The following PNPT1 variants were observed in gnomAD, a reference collection of about 807,000 sequenced individuals.
PNPT1 encodes polyribonucleotide nucleotidyltransferase 1, mitochondrial.
In PNPT1, 53 loss-of-function variants were observed where a neutral mutation model predicts 119.5. The ratio of observed to expected loss-of-function variants is 0.44; its 90% confidence interval spans 0.36 to 0.56. The LOEUF (loss-of-function observed/expected upper bound fraction) is 0.56, where lower values mean the gene tolerates loss of function less well. PNPT1 is among the 20% of genes least tolerant of loss of function. The pLI, the probability that PNPT1 is intolerant of heterozygous loss-of-function variation, is 0.00. For synonymous variants in PNPT1, 357 were observed against 322.1 expected (o/e 1.11, Z -1.16); for missense variants, 948 against 938.5 (o/e 1.01, Z -0.13).
chr2:55,671,506 T>A, intron 10 of PNPT1, 130 bp from the exon 11 acceptor site: 1 of 535,276 alleles, frequency 1.9e-6, no homozygotes, highest in Non-Finnish European at 3.2e-6. Flanking sequence ...AATATTGGAA[T>A]TGGTTCTTGA....
At chr2:55,639,877 C>T (rs887739942) in intron 26 of PNPT1, among the ~76,000 whole-genome samples, 2 of 152,116 alleles carry the variant, frequency 1.3e-5, no homozygotes, top group Non-Finnish European at 2.9e-5. Flanking sequence ...TCTTTTCCTA[C>T]CACCTTTTTT....
At chr2:55,690,644 G>C (rs996084904) in intron 1 of PNPT1, among the ~76,000 whole-genome samples, 2 of 152,148 alleles carry the variant, frequency 1.3e-5, no homozygotes, top group Non-Finnish European at 2.9e-5. Context: ...TTTAATATAT[G>C]TTAATAAATA....
At chr2:55,644,537 CA>C (rs776500149) in intron 23 of PNPT1, 99 bp downstream of exon 23, 5 of 793,614 alleles carry the variant, frequency 6.3e-6, no homozygotes, top group East Asian at 2.8e-5. Context: ...TCTCATTTCT[CA>C]AATAAATATA....
In PNPT1 at chr2:55,668,170, T is replaced by C. The variant is rs12993839; in HGVS notation, c.977-212A>G. ...ACCAAGTACTACAACTGTGTTGTTA[T>C]TGTGAACTTAGTTTGTTTTCTACCT... On this transcript the variant is annotated intron_variant, in intron 11 of 27. Transcript: ENST00000447944. Among the ~76,000 whole-genome samples the C allele has an allele frequency of 0.12, 17,987 of 152,300 alleles. 1,349 individuals carry two copies. The highest frequency in any genetic ancestry group is 0.25 in the East Asian group (1,298 of 5,174).
At chr2:55,688,065 A>C (rs1398457604) in intron 1 of PNPT1, among the ~76,000 whole-genome samples, 2 of 146,448 alleles carry the variant, frequency 1.4e-5, no homozygotes, top group Admixed American at 6.9e-5. Flanking sequence ...TTTTTTTGAG[A>C]CAGGGTCTTG....
At chr2:55,686,264 T>C in intron 3 of PNPT1, 106 bp downstream of exon 3, 1 of 964,234 alleles carries the variant, frequency 1.0e-6, no homozygotes, top group South Asian at 1.8e-5. Context: ...AATTCTTTGT[T>C]GTGCAAGTTT....
chr2:55,674,308 T>C (rs1310544190), intron 8 of PNPT1, among the ~76,000 whole-genome samples: 1 of 152,098 alleles, frequency 6.6e-6, no homozygotes, highest in Non-Finnish European at 1.5e-5. Context: ...AGAATAAATA[T>C]AGAGGCTGAG....
At chr2:55,668,063 GGGAGAT>G (rs1696794006) in intron 11 of PNPT1, 105 bp from the exon 12 acceptor site, 1 of 980,622 alleles carries the variant, frequency 1.0e-6, no homozygotes, top group Admixed American at 3.2e-5. Context: ...AATCAACCAA[GGGAGAT>G]GACTCTGAAC....
At chr2:55,645,859 CCTCT>C (rs1695985018) in intron 21 of PNPT1, among the ~76,000 whole-genome samples, 2 of 151,774 alleles carry the variant, frequency 1.3e-5, no homozygotes, top group Non-Finnish European at 2.9e-5. Context: ...AGACATTTTC[CCTCT>C]GTCACCCAGG....
At chr2:55,657,754 G>C (rs922929716) in intron 15 of PNPT1, among the ~76,000 whole-genome samples, 1 of 151,168 alleles carries the variant, frequency 6.6e-6, no homozygotes, top group South Asian at 2.1e-4. Flanking sequence ...AATAGAGAGG[G>C]GGGAGGAACA....
rs112074939 is a variant in PNPT1, at chr2:55,645,988, C to T, written c.1738+271G>A. Reference sequence around the variant, plus strand: ...GATTACAGGTATGCACCACCATGCCCGGCTAATTTTTGTACTTTTAGTAGA... The same window carrying T: ...GATTACAGGTATGCACCACCATGCCTGGCTAATTTTTGTACTTTTAGTAGA... On this transcript the variant is annotated intron_variant, in intron 21 of 27. Transcript: ENST00000447944. Among the ~76,000 whole-genome samples, 6,541 of 151,818 alleles carry T rather than the reference C, an allele frequency of 0.043. 180 individuals carry two copies. The highest frequency in any genetic ancestry group is 0.081 in the South Asian group (389 of 4,798).
At chr2:55,686,880 A>G (rs371876267) in intron 2 of PNPT1, among the ~76,000 whole-genome samples, 2 of 152,266 alleles carry the variant, frequency 1.3e-5, no homozygotes, top group East Asian at 3.9e-4. Context: ...TTGTAATTGC[A>G]GCACTTTGCG....
chr2:55,684,685 T>C (rs1309579015), intron 4 of PNPT1, among the ~76,000 whole-genome samples: 2 of 152,278 alleles, frequency 1.3e-5, no homozygotes, highest in Non-Finnish European at 2.9e-5. Flanking sequence ...TTTACTCATT[T>C]AGTCAACAAA....
intron 26 of PNPT1, among the ~76,000 whole-genome samples, chr2:55,638,915 C>T (rs939302690): frequency 3.3e-5 from 5 of 151,950 alleles, no homozygotes; most frequent in African/African-American, 1.2e-4. Flanking sequence ...GCTGGGATTA[C>T]AGGTGCACGC....
At chr2:55,644,565 C>T in intron 23 of PNPT1, 72 bp downstream of exon 23, 1 of 1,085,020 alleles carries the variant, frequency 9.2e-7, no homozygotes, top group East Asian at 2.4e-5. Context: ...AAGCAACATA[C>T]TAGAGATGAA....
At chr2:55,681,010 G>C in intron 5 of PNPT1, 92 bp from the exon 6 acceptor site, 1 of 999,366 alleles carries the variant, frequency 1.0e-6, no homozygotes, top group South Asian at 1.4e-5. Flanking sequence ...GCTAAAAGCA[G>C]GGGCTTTGTA....
rs1316918863 is a variant in PNPT1, at chr2:55,646,402, G to A, written c.1674+13C>T. 1.9e-6 allele frequency: 3 copies of A among 1,610,158 alleles called. No individual in the cohort carries two copies. Among genetic ancestry groups the A allele is most frequent in the Non-Finnish European group, 1.7e-6 (2 of 1,178,014 alleles). The stretch of plus-strand genomic sequence containing the variant: ...ATGTTACAAAAATGAAACAAAATGG[G>A]TTTTAAAAATACCTGTAATGCAGTT... On this transcript the variant is annotated intron_variant, in intron 20 of 27. Transcript: ENST00000447944.
At chr2:55,653,553 T>C (rs969886572) in intron 18 of PNPT1, among the ~76,000 whole-genome samples, 1 of 152,258 alleles carries the variant, frequency 6.6e-6, no homozygotes, top group Non-Finnish European at 1.5e-5. Flanking sequence ...GTTTTGTTCA[T>C]CACCATGTCC....
intron 26 of PNPT1, among the ~76,000 whole-genome samples, chr2:55,639,174 A>G (rs1695764880): frequency 6.6e-6 from 1 of 152,250 alleles, no homozygotes; most frequent in East Asian, 1.9e-4. Flanking sequence ...AATTGCTTTA[A>G]ATTCCAGTGT....
Sources: allele counts gnomAD v4.1 joint callset (sites outside exome capture counted in the v4.1 genomes callset), GRCh38; gene constraint gnomAD v4.1.1; transcripts MANE v1.5; gene names NCBI Gene and HGNC (gene_info 2026-07-23, HGNC 2026-07-21).